The following DENND5A variants were observed in gnomAD, a reference collection of about 807,000 sequenced individuals.
DENND5A encodes DENN domain-containing protein 5A.
A neutral mutation model predicts 140.3 loss-of-function variants in DENND5A; 64 were observed. That is an observed-to-expected ratio of 0.46 (90% CI 0.37 to 0.56). DENND5A has a LOEUF of 0.56. Among genes scored for constraint, DENND5A ranks in the 20% least tolerant of loss-of-function variants. The probability of loss-of-function intolerance (pLI) is 0.00; values close to 1 mark genes in which losing one functional copy is unlikely to be tolerated. For synonymous variants in DENND5A, 605 were observed against 607.7 expected (o/e 1.00, Z 0.07); for missense variants, 1,292 against 1,593.8 (o/e 0.81, Z 3.22).
chr11:9,244,483 C>A (rs867078465), intron 1 of DENND5A, among the ~76,000 whole-genome samples: 1 of 152,146 alleles, frequency 6.6e-6, no homozygotes, highest in African/African-American at 2.4e-5. Flanking sequence ...GATTCTCCTG[C>A]CTCAGTCTCC....
chr11:9,219,814 T>A (rs563136525), intron 1 of DENND5A, among the ~76,000 whole-genome samples: 1 of 152,328 alleles, frequency 6.6e-6, no homozygotes, highest in South Asian at 2.1e-4. Flanking sequence ...CCATTACAGG[T>A]CTTGCACAAG....
At chr11:9,146,591 G>A (rs112199823) in intron 16 of DENND5A, among the ~76,000 whole-genome samples, 1 of 152,238 alleles carries the variant, frequency 6.6e-6, no homozygotes, top group African/African-American at 2.4e-5. Context: ...GGTATCTGGA[G>A]TTCTTTCTGC....
chr11:9,144,949 T>TGTGTAAGGA (rs753867077), intron 18 of DENND5A, 46 bp downstream of exon 18: 30 of 1,356,880 alleles, frequency 2.2e-5, no homozygotes, highest in Non-Finnish European at 3.2e-5. Flanking sequence ...AGAGCTCCTG[T>TGTGTAAGGA]AGATACACCT....
intron 10 of DENND5A, among the ~76,000 whole-genome samples, chr11:9,166,701 G>A (rs1416787235): frequency 6.6e-6 from 1 of 151,920 alleles, no homozygotes; most frequent in Admixed American, 6.6e-5. Context: ...GTGTGGTGGT[G>A]CATGCCTGTA....
At chr11:9,179,557 T>A (rs547446977) in intron 6 of DENND5A, among the ~76,000 whole-genome samples, 1 of 149,942 alleles carries the variant, frequency 6.7e-6, no homozygotes, top group Non-Finnish European at 1.5e-5. Flanking sequence ...TGGAGTGCAA[T>A]GGCGCCATCT....
At chr11:9,257,276 G>A (rs1056345807) in intron 1 of DENND5A, among the ~76,000 whole-genome samples, 27 of 151,698 alleles carry the variant, frequency 1.8e-4, no homozygotes, top group African/African-American at 5.1e-4. Context: ...GATTATAGGC[G>A]TGAGCAACCA....
intron 1 of DENND5A, among the ~76,000 whole-genome samples, chr11:9,218,801 T>C (rs1416815322): frequency 6.6e-6 from 1 of 151,668 alleles, no homozygotes; most frequent in Non-Finnish European, 1.5e-5. Flanking sequence ...AGGTCAGGAG[T>C]GCAAGACCAA....
At chr11:9,224,856 CAAAAAAAAAA>C (rs1003433174) in intron 1 of DENND5A, among the ~76,000 whole-genome samples, 6 of 93,988 alleles carry the variant, frequency 6.4e-5, no homozygotes, top group African/African-American at 1.2e-4. Context: ...AGACTCCATC[CAAAAAAAAAA>C]AAAAAAAAAA....
chr11:9,263,034 C>T (rs1219152841), intron 1 of DENND5A, among the ~76,000 whole-genome samples: 4 of 152,044 alleles, frequency 2.6e-5, no homozygotes, highest in African/African-American at 9.7e-5. Context: ...AGCCACCGCG[C>T]CCGGCCTAAA....
intron 1 of DENND5A, among the ~76,000 whole-genome samples, chr11:9,258,662 C>T (rs765347666): frequency 2.0e-5 from 3 of 151,968 alleles, no homozygotes; most frequent in African/African-American, 7.2e-5. Context: ...TTTGCTTGTT[C>T]CCCCCGCATC....
At chr11:9,254,080 C>T (rs1197876291) in intron 1 of DENND5A, among the ~76,000 whole-genome samples, 5 of 150,340 alleles carry the variant, frequency 3.3e-5, no homozygotes, top group East Asian at 2.0e-4. Flanking sequence ...CGCTTGAACC[C>T]GGGAGGCAGA....
At chr11:9,140,543 G>A (rs1847202615) in intron 22 of DENND5A, among the ~76,000 whole-genome samples, 1 of 152,128 alleles carries the variant, frequency 6.6e-6, no homozygotes, top group East Asian at 1.9e-4. Context: ...CATAATATCA[G>A]ATTAATATTA....
At chr11:9,213,796 G>A (rs1590284823) in intron 1 of DENND5A, among the ~76,000 whole-genome samples, 1 of 2,018 alleles carries the variant, frequency 5.0e-4, no homozygotes, top group Admixed American at 7.1e-3. Flanking sequence ...GGCTGAGCGA[G>A]ACTCCGTCTC....
intron 1 of DENND5A, among the ~76,000 whole-genome samples, chr11:9,213,012 T>TC (rs1317185662): frequency 1.3e-5 from 2 of 150,814 alleles, no homozygotes; most frequent in African/African-American, 2.4e-5. Context: ...TTTTTTTTTT[T>TC]TTTTTTTTGA....
intron 22 of DENND5A, 130 bp downstream of exon 22, chr11:9,141,810 G>A: frequency 1.3e-6 from 1 of 764,408 alleles, no homozygotes; most frequent in Non-Finnish European, 1.9e-6. Flanking sequence ...AGGGCTTCTA[G>A]GAAACCTTCT....
At chr11:9,191,069 T>G (rs1849106790) in intron 5 of DENND5A, among the ~76,000 whole-genome samples, 1 of 152,154 alleles carries the variant, frequency 6.6e-6, no homozygotes, top group Non-Finnish European at 1.5e-5. Flanking sequence ...ACACAGTTAA[T>G]TCTACTGTTC....
intron 8 of DENND5A, 105 bp downstream of exon 8, chr11:9,178,027 T>C (rs1355463298): frequency 2.4e-6 from 2 of 820,022 alleles, no homozygotes; most frequent in East Asian, 4.9e-5. Context: ...GGGAACCACA[T>C]ACACAAAGGC....
At chr11:9,158,784 G>A (rs948446912) in intron 12 of DENND5A, among the ~76,000 whole-genome samples, 1 of 152,104 alleles carries the variant, frequency 6.6e-6, no homozygotes, top group African/African-American at 2.4e-5. Context: ...AAAGCAAGTT[G>A]CAAAGCATTA....
chr11:9,147,215 C>T, intron 15 of DENND5A, 64 bp from the exon 16 acceptor site: 1 of 1,574,900 alleles, frequency 6.3e-7, no homozygotes, highest in Non-Finnish European at 8.7e-7. Flanking sequence ...CTAGAATTTT[C>T]AGTTCTGGAA....
Sources: gnomAD v4.1 joint callset for allele counts (sites outside exome capture counted in the v4.1 genomes callset) on GRCh38, gnomAD v4.1.1 for gene constraint, MANE v1.5 for transcripts, NCBI Gene and HGNC (gene_info 2026-07-23, HGNC 2026-07-21) for gene names.